The following MTUS2 variants were observed in gnomAD, a reference collection of about 807,000 sequenced individuals.
MTUS2 encodes the protein microtubule-associated tumor suppressor candidate 2.
Under a neutral mutation model 114.1 loss-of-function variants are expected in MTUS2, and 40 were observed. The ratio of observed to expected loss-of-function variants is 0.35; its 90% CI spans 0.27 to 0.46. The LOEUF (loss-of-function observed/expected upper bound fraction) is 0.46. Among genes scored for constraint, MTUS2 ranks in the 20% least tolerant of loss-of-function variants. MTUS2 has a pLI of 1.00. For synonymous variants in MTUS2, 688 were observed against 672.0 expected, an observed-to-expected ratio of 1.02 and a Z score of -0.37; for missense variants, 1,679 against 1,705.4, an observed-to-expected ratio of 0.98 and a Z score of 0.27.
chr13:29,031,077 G>A (rs1886791535), intron 3 of MTUS2, among the ~76,000 whole-genome samples: 1 of 152,088 alleles, frequency 6.6e-6, no homozygotes, highest in Non-Finnish European at 1.5e-5. Flanking sequence ...GTAAAGGGAG[G>A]TGGGAAGAAA....
At chr13:29,345,744 C>T (rs1868608460) in intron 7 of MTUS2, among the ~76,000 whole-genome samples, 1 of 151,974 alleles carries the variant, frequency 6.6e-6, no homozygotes, top group African/African-American at 2.4e-5. Context: ...TGTCATATTA[C>T]TGGAATTGTT....
chr13:29,065,848 A>G (rs1244784124), intron 4 of MTUS2, among the ~76,000 whole-genome samples: 1 of 152,216 alleles, frequency 6.6e-6, no homozygotes, highest in African/African-American at 2.4e-5. Context: ...CTTGATTGTT[A>G]AAAGTACTGA....
intron 2 of MTUS2, among the ~76,000 whole-genome samples, chr13:28,995,507 C>T (rs1263755334): frequency 1.3e-4 from 20 of 152,068 alleles, no homozygotes; most frequent in East Asian, 1.9e-4. Flanking sequence ...GCCATTTTCA[C>T]GATATTGATT....
chr13:29,321,196 C>T (rs907139670), intron 6 of MTUS2, among the ~76,000 whole-genome samples: 1 of 151,318 alleles, frequency 6.6e-6, no homozygotes, highest in Non-Finnish European at 1.5e-5. Flanking sequence ...GATAAGCTCA[C>T]TCAGAAGACT....
intron 5 of MTUS2, among the ~76,000 whole-genome samples, chr13:29,207,812 G>T (rs887543653): frequency 1.3e-5 from 2 of 151,928 alleles, no homozygotes; most frequent in African/African-American, 2.4e-5. Flanking sequence ...ATTTGCTGTT[G>T]GATTCCATTA....
chr13:28,971,132 G>C (rs1369550286), intron 2 of MTUS2, among the ~76,000 whole-genome samples: 1 of 152,160 alleles, frequency 6.6e-6, no homozygotes, highest in Non-Finnish European at 1.5e-5. Context: ...TGTTGGATTT[G>C]GGATTTTTCA....
At chr13:28,888,715 C>G (rs1361647292) in intron 2 of MTUS2, among the ~76,000 whole-genome samples, 1 of 152,048 alleles carries the variant, frequency 6.6e-6, no homozygotes, top group South Asian at 2.1e-4. Context: ...AGACACCGCG[C>G]TCGGCTCCTC....
intron 5 of MTUS2, among the ~76,000 whole-genome samples, chr13:29,222,683 G>A (rs577933088): frequency 5.9e-5 from 9 of 152,250 alleles, no homozygotes; most frequent in East Asian, 1.9e-4. Context: ...TGGGAGCCCC[G>A]CCCTCCTGGG....
In MTUS2 at chr13:29,390,149, TAC is replaced by T. The variant is rs571275988; in HGVS notation, c.3117+30687_3117+30688del. On this transcript the variant is annotated intron_variant, in intron 8 of 15. Coordinates refer to ENST00000612955, the MANE Select transcript of MTUS2 (RefSeq NM_001033602.4). The stretch of plus-strand genomic sequence containing the variant: ...AACATATATACTGACTATATATATA[TAC>T]ACACACACACTTGTGTGTGTGTGTG... Among the ~76,000 whole-genome samples, 50 of 103,880 alleles carry T rather than the reference TAC, an allele frequency of 4.8e-4. No homozygotes were observed. In the East Asian group the frequency reaches 7.7e-3, roughly 16 times the overall value. 68.1% of individuals were successfully genotyped at this position (103,880 alleles called of 152,430 possible).
chr13:29,030,013 A>G (rs748087078), intron 3 of MTUS2, among the ~76,000 whole-genome samples: 1 of 152,190 alleles, frequency 6.6e-6, no homozygotes, highest in Non-Finnish European at 1.5e-5. Context: ...TTTCTCTATA[A>G]AAACAAACTC....
At chr13:29,207,409 C>T (rs1043830253) in intron 5 of MTUS2, among the ~76,000 whole-genome samples, 5 of 152,044 alleles carry the variant, frequency 3.3e-5, no homozygotes, top group Non-Finnish European at 7.4e-5. Flanking sequence ...TTTGGATGCC[C>T]TTTATTTCTT....
chr13:29,343,691 A>T (rs1868385668), intron 7 of MTUS2, among the ~76,000 whole-genome samples: 1 of 77,996 alleles, frequency 1.3e-5, no homozygotes. Context: ...CTTCTGCTGG[A>T]TTTCAGTTTG....
rs910915109 is a variant in MTUS2 at position 29,459,767 on chromosome 13, G to T, written c.3184+19718G>T. 4.6e-5 allele frequency among the ~76,000 whole-genome samples: 7 copies of T among 152,200 alleles called. No individual in the cohort carries two copies. In the East Asian group the frequency reaches 1.4e-3, roughly 29 times the overall value. On this transcript the variant is annotated intron_variant, in intron 9 of 15. Coordinates refer to ENST00000612955, the MANE Select transcript of MTUS2 (RefSeq NM_001033602.4). ...TTCTGTGACTTTCTATCATTCATAG[G>T]TTAGCTAGAATTCAGGCTTTTTAGC...
chr13:28,831,333 A>C (rs1874664024), intron 1 of MTUS2, among the ~76,000 whole-genome samples: 1 of 152,204 alleles, frequency 6.6e-6, no homozygotes, highest in Admixed American at 6.5e-5. Flanking sequence ...CACTGTAGTC[A>C]AAAGGCATAG....
At chr13:28,892,860 G>A (rs1463173554) in intron 2 of MTUS2, among the ~76,000 whole-genome samples, 2 of 152,214 alleles carry the variant, frequency 1.3e-5, no homozygotes, top group Admixed American at 6.5e-5. Flanking sequence ...ACCTGTTGGT[G>A]TCTATGAGAG....
intron 5 of MTUS2, among the ~76,000 whole-genome samples, chr13:29,121,358 G>A (rs568213148): frequency 1.2e-4 from 18 of 152,162 alleles, no homozygotes; most frequent in Non-Finnish European, 1.8e-4. Context: ...AGATCTGGGC[G>A]TTAAAGAGCT....
chr13:29,137,361 C>A (rs1395320544), intron 5 of MTUS2, among the ~76,000 whole-genome samples: 2 of 152,120 alleles, frequency 1.3e-5, no homozygotes, highest in African/African-American at 4.8e-5. Context: ...CTCATCCTAT[C>A]TCCCTGCTTC....
chr13:29,220,655 T>C (rs1895871859), intron 5 of MTUS2, among the ~76,000 whole-genome samples: 1 of 152,230 alleles, frequency 6.6e-6, no homozygotes, highest in Non-Finnish European at 1.5e-5. Context: ...ATATGGTTTT[T>C]GTGTTGCCTC....
intron 4 of MTUS2, among the ~76,000 whole-genome samples, chr13:29,092,357 A>G (rs948671315): frequency 3.9e-5 from 6 of 152,156 alleles, no homozygotes; most frequent in Non-Finnish European, 7.4e-5. Context: ...TAACAAACCA[A>G]TCAGCATGTA....
Sources: gnomAD v4.1 joint callset for allele counts (sites outside exome capture counted in the v4.1 genomes callset) on GRCh38, gnomAD v4.1.1 for gene constraint, MANE v1.5 for transcripts, NCBI Gene and HGNC (gene_info 2026-07-23, HGNC 2026-07-21) for gene names.